Variants in CSMD3 observed in about 807,000 individuals in gnomAD.
The protein encoded by CSMD3 is CUB and Sushi multiple domains 3.
Under a neutral mutation model 435.2 loss-of-function variants are expected in CSMD3, and 177 were observed. The ratio of observed to expected loss-of-function variants is 0.41; its 90% CI spans 0.36 to 0.46. The LOEUF (loss-of-function observed/expected upper bound fraction) is 0.46. Among genes scored for constraint, CSMD3 ranks in the 20% least tolerant of loss-of-function variants. CSMD3 has a pLI of 0.34. For missense variants in CSMD3, 4,265 were observed against 4,504.6 expected, an observed-to-expected ratio of 0.95 and a Z score of 1.52; for synonymous variants, 1,656 against 1,520.5, an observed-to-expected ratio of 1.09 and a Z score of -2.07.
At chr8:113,087,521 T>C (rs1372448746) in intron 5 of CSMD3, among the ~76,000 whole-genome samples, 3 of 152,192 alleles carry the variant, frequency 2.0e-5, no homozygotes, top group East Asian at 3.9e-4. Flanking sequence ...TATAGATCAA[T>C]GGAACAGAAC....
chr8:112,263,868 A>T (rs2130388508), intron 60 of CSMD3, 56 bp from the exon 61 acceptor site: 5 of 1,435,798 alleles, frequency 3.5e-6, no homozygotes, highest in Non-Finnish European at 4.9e-6. Flanking sequence ...TGAGCCTTAA[A>T]GATATAAATA....
chr8:112,417,253 A>G (rs770936507), intron 32 of CSMD3, among the ~76,000 whole-genome samples: 14 of 152,320 alleles, frequency 9.2e-5, no homozygotes, highest in Admixed American at 1.3e-4. Flanking sequence ...TAAGCATTCA[A>G]TTTCTGGAAT....
At chr8:112,640,053 G>T (rs756559870) in intron 20 of CSMD3, among the ~76,000 whole-genome samples, 1 of 152,058 alleles carries the variant, frequency 6.6e-6, no homozygotes, top group Non-Finnish European at 1.5e-5. Flanking sequence ...TGGTTGCTCC[G>T]TATCTTCTCC....
chr8:112,390,251 C>G (rs541705114), intron 36 of CSMD3, among the ~76,000 whole-genome samples: 2 of 152,140 alleles, frequency 1.3e-5, no homozygotes, highest in African/African-American at 2.4e-5. Context: ...TAGCTGCTGG[C>G]CATTGCTATG....
chr8:112,889,330 C>T (rs1371568023), intron 10 of CSMD3, among the ~76,000 whole-genome samples: 2 of 151,646 alleles, frequency 1.3e-5, no homozygotes, highest in Non-Finnish European at 3.0e-5. Flanking sequence ...CCTCCATGAT[C>T]CTTTCAGCAG....
At position 112,556,871 on chromosome 8, in the gene CSMD3, T is replaced by C. The variant is rs143731892; in HGVS notation, c.4126A>G (p.Thr1376Ala). The change falls in exon 25 of 71, where the codon ACC (threonine) becomes GCC (alanine). Residue 1376 changes from threonine to alanine, a missense_variant. By Grantham distance (58) the Thr-to-Ala change is moderately conservative (BLOSUM62 0). This residue lies in a region of CSMD3 where 3,255 missense variants were observed against 3,380.2 expected (regional missense o/e 0.96). Transcript: ENST00000297405. ...ISDQGHFAGS[T>A]IIYGCNPGYT... ...CCTGGATTGCATCCATAAATGATGG[T>C]GCTACCAGCAAAGTGGCCTTGGTCA... 1 of 1,611,946 alleles carries C rather than the reference T, an allele frequency of 6.2e-7. No individual in the cohort carries two copies. The highest frequency in any genetic ancestry group is 1.3e-5 in the African/African-American group (1 of 74,814).
intron 5 of CSMD3, among the ~76,000 whole-genome samples, chr8:113,063,854 C>T (rs890525682): frequency 2.0e-5 from 3 of 151,236 alleles, no homozygotes; most frequent in African/African-American, 7.3e-5. Flanking sequence ...ACAATGAATT[C>T]AAATATTTTT....
intron 6 of CSMD3, among the ~76,000 whole-genome samples, chr8:112,990,200 ATGTC>A (rs2085401791): frequency 6.6e-6 from 1 of 151,968 alleles, no homozygotes; most frequent in South Asian, 2.1e-4. Flanking sequence ...GTAAGGAAGT[ATGTC>A]TGGCTACCAG....
At chr8:112,773,392 C>G (rs1254743460) in intron 13 of CSMD3, among the ~76,000 whole-genome samples, 1 of 151,956 alleles carries the variant, frequency 6.6e-6, no homozygotes. Context: ...TGACCTGGTA[C>G]AATCACTCTG....
rs865843892 is a variant in CSMD3, at chr8:112,318,942, T to G, written c.7255A>C (p.Ile2419Leu). ...AATCCTGGAAGACACTGATACCTAATAATATCACCTATTAAACAAAAGAGG... is the reference window on the plus strand; with the variant it reads ...AATCCTGGAAGACACTGATACCTAAGAATATCACCTATTAAACAAAAGAGG... ...EDDEFEIGDIIRYQCLPGFTL... is the reference protein window; with the variant it reads ...EDDEFEIGDILRYQCLPGFTL... The change falls in exon 47 of 71, where the codon ATT becomes CTT. Residue 2419 changes from isoleucine to leucine, a missense_variant. Ile to Leu is a conservative substitution (Grantham distance 5). This residue lies in a region of CSMD3 where 3,255 missense variants were observed against 3,380.2 expected (regional missense o/e 0.96). Coordinates refer to ENST00000297405, the MANE Select transcript of CSMD3 (RefSeq NM_198123.2). 2 of 1,591,858 alleles carry G rather than the reference T, an allele frequency of 1.3e-6. No individual in the cohort carries two copies. Among genetic ancestry groups the G allele is most frequent in the Admixed American group, 3.3e-5 (2 of 59,790 alleles).
At chr8:113,019,398 A>G (rs182229268) in intron 5 of CSMD3, among the ~76,000 whole-genome samples, 9 of 152,202 alleles carry the variant, frequency 5.9e-5, no homozygotes, top group Non-Finnish European at 8.8e-5. Context: ...GTGTATTAAT[A>G]CAATCAACTA....
At chr8:112,303,966 A>T (rs1821169702) in intron 52 of CSMD3, among the ~76,000 whole-genome samples, 1 of 152,202 alleles carries the variant, frequency 6.6e-6, no homozygotes, top group South Asian at 2.1e-4. Context: ...TTCCTGAAAC[A>T]AAACAGACAA....
chr8:113,344,554 A>G (rs1279084942), intron 1 of CSMD3, among the ~76,000 whole-genome samples: 1 of 152,172 alleles, frequency 6.6e-6, no homozygotes, highest in African/African-American at 2.4e-5. Context: ...CACATGCACT[A>G]TAACTCCCTA....
intron 32 of CSMD3, among the ~76,000 whole-genome samples, chr8:112,457,543 C>T (rs1325761148): frequency 6.6e-6 from 1 of 152,040 alleles, no homozygotes; most frequent in Non-Finnish European, 1.5e-5. Context: ...TCTCATATCA[C>T]AAATTTAAAT....
intron 31 of CSMD3, among the ~76,000 whole-genome samples, chr8:112,485,533 A>G (rs1820041681): frequency 6.6e-6 from 1 of 152,100 alleles, no homozygotes; most frequent in South Asian, 2.1e-4. Context: ...AATTTTGTAA[A>G]CCTCAAGGAC....
intron 3 of CSMD3, among the ~76,000 whole-genome samples, chr8:113,185,314 A>G (rs927486165): frequency 1.2e-4 from 19 of 152,074 alleles, no homozygotes; most frequent in African/African-American, 4.6e-4. Context: ...AGGAGAAAAA[A>G]AAGTTGAGGT....
At chr8:113,117,568 G>A (rs141127348) in intron 4 of CSMD3, among the ~76,000 whole-genome samples, 348 of 152,314 alleles carry the variant, frequency 2.3e-3, no homozygotes, top group African/African-American at 8.0e-3. Context: ...GTGGAGCTGT[G>A]AGAAGAGGGC....
intron 13 of CSMD3, among the ~76,000 whole-genome samples, chr8:112,712,745 T>C (rs1413617477): frequency 1.3e-5 from 2 of 150,638 alleles, no homozygotes; most frequent in Non-Finnish European, 2.9e-5. Flanking sequence ...TTAAGACAGG[T>C]AAGAATTACC....
intron 6 of CSMD3, among the ~76,000 whole-genome samples, chr8:112,991,316 G>A (rs973774932): frequency 6.6e-6 from 1 of 151,680 alleles, no homozygotes; most frequent in Non-Finnish European, 1.5e-5. Flanking sequence ...TAGAATTTCA[G>A]TCACTAGCTA....
Sources: gnomAD v4.1 joint callset for allele counts (sites outside exome capture counted in the v4.1 genomes callset) on GRCh38, gnomAD v4.1.1 for gene constraint, gnomAD v4.1.1 regional missense constraint, MANE v1.5 for transcripts, NCBI Gene and HGNC (gene_info 2026-07-23, HGNC 2026-07-21) for gene names.